Variants in CSMD1 observed in about 807,000 individuals in gnomAD.
CSMD1 encodes the protein CUB and Sushi multiple domains 1.
CSMD1 carries 213 observed loss-of-function variants against 417.5 expected under a neutral mutation model. The ratio of observed to expected loss-of-function variants is 0.51; its 90% confidence interval spans 0.46 to 0.57. CSMD1 has a LOEUF of 0.57. Among genes scored for constraint, CSMD1 ranks in the 20% least tolerant of loss-of-function variants. The pLI is 0.00. For missense variants in CSMD1, 6,923 were observed against 4,529.7 expected (o/e 1.53, Z -15.17); for synonymous variants, 2,862 against 1,736.8 (o/e 1.65, Z -16.11).
At chr8:3,343,067 G>A in intron 23 of CSMD1, among the ~76,000 whole-genome samples, 1 of 151,980 alleles carries the variant, frequency 6.6e-6, no homozygotes, top group East Asian at 1.9e-4. Flanking sequence ...TCCTTTTCAG[G>A]TCCAACTATT....
chr8:4,906,142 A>C (rs7844151), intron 1 of CSMD1, among the ~76,000 whole-genome samples: 33,088 of 152,092 alleles, frequency 0.22, 4,424 homozygotes, highest in East Asian at 0.52. Flanking sequence ...TGCTACCTGC[A>C]CTCTTCGCTT....
At chr8:4,022,005 T>C (rs1229063612) in intron 4 of CSMD1, among the ~76,000 whole-genome samples, 1 of 151,920 alleles carries the variant, frequency 6.6e-6, no homozygotes, top group East Asian at 1.9e-4. Context: ...TGTCTAATTC[T>C]GGAGTCCAAC....
intron 53 of CSMD1, 134 bp downstream of exon 53, chr8:2,999,824 T>C: frequency 1.4e-6 from 1 of 718,382 alleles, no homozygotes; most frequent in Non-Finnish European, 2.1e-6. Flanking sequence ...TCTCTTTCTT[T>C]GTATAGGCAA....
intron 5 of CSMD1, among the ~76,000 whole-genome samples, chr8:3,960,747 T>C (rs73492650): frequency 0.27 from 41,089 of 151,710 alleles, 6,031 homozygotes; most frequent in East Asian, 0.53. Context: ...TTATAATTAA[T>C]TGATTTAAAA....
intron 5 of CSMD1, among the ~76,000 whole-genome samples, chr8:3,773,291 G>A (rs981390230): frequency 2.6e-5 from 4 of 152,088 alleles, no homozygotes. Context: ...ATAGGTTTGG[G>A]GAGAGCTGGT....
intron 5 of CSMD1, among the ~76,000 whole-genome samples, chr8:3,771,059 G>A (rs1430904893): frequency 6.6e-6 from 1 of 151,946 alleles, no homozygotes; most frequent in Admixed American, 6.6e-5. Context: ...TCATTTGCAT[G>A]TCTGTGGTGG....
intron 21 of CSMD1, among the ~76,000 whole-genome samples, chr8:3,350,439 G>T (rs966819885): frequency 6.6e-6 from 1 of 152,066 alleles, no homozygotes; most frequent in Non-Finnish European, 1.5e-5. Flanking sequence ...CTTTCCCAAG[G>T]TCACACAGCT....
At chr8:3,240,201 A>C (rs73185537) in intron 26 of CSMD1, among the ~76,000 whole-genome samples, 2 of 151,982 alleles carry the variant, frequency 1.3e-5, no homozygotes, top group Admixed American at 1.3e-4. Flanking sequence ...TGCGCAGCCC[A>C]CACTTCAGCT....
intron 1 of CSMD1, among the ~76,000 whole-genome samples, chr8:4,650,341 T>A (rs1240002598): frequency 2.1e-5 from 2 of 95,576 alleles, no homozygotes; most frequent in Non-Finnish European, 3.6e-5. Flanking sequence ...CGAGACTCCG[T>A]CTCAAGAAAA....
intron 8 of CSMD1, among the ~76,000 whole-genome samples, chr8:3,587,180 G>A (rs1209984179): frequency 1.3e-5 from 2 of 152,226 alleles, no homozygotes; most frequent in Non-Finnish European, 2.9e-5. Context: ...TTGCAAACAT[G>A]GAGCTTTACG....
At chr8:4,621,536 G>C (rs1272015446) in intron 2 of CSMD1, among the ~76,000 whole-genome samples, 2 of 152,044 alleles carry the variant, frequency 1.3e-5, no homozygotes, top group African/African-American at 2.4e-5. Flanking sequence ...CCTAAATCTA[G>C]AATATACATT....
intron 26 of CSMD1, among the ~76,000 whole-genome samples, chr8:3,281,441 C>G (rs1307450978): frequency 6.6e-6 from 1 of 152,010 alleles, no homozygotes; most frequent in African/African-American, 2.4e-5. Flanking sequence ...AAGACTCCAT[C>G]TCAAGGAAAA....
At chr8:3,730,544 G>A (rs1260071644) in intron 6 of CSMD1, among the ~76,000 whole-genome samples, 1 of 152,010 alleles carries the variant, frequency 6.6e-6, no homozygotes, top group Non-Finnish European at 1.5e-5. Flanking sequence ...AGCGAGGAGA[G>A]GAAAGTGCTA....
chr8:3,865,588 C>T (rs939106547), intron 5 of CSMD1, among the ~76,000 whole-genome samples: 2 of 152,118 alleles, frequency 1.3e-5, no homozygotes, highest in Non-Finnish European at 2.9e-5. Context: ...AATTCAGGTG[C>T]CTCTCATCAG....
intron 3 of CSMD1, among the ~76,000 whole-genome samples, chr8:4,194,439 G>T (rs944310968): frequency 6.6e-6 from 1 of 152,054 alleles, no homozygotes; most frequent in Non-Finnish European, 1.5e-5. Flanking sequence ...AACAATAAAT[G>T]GTGACAAAGG....
chr8:4,428,868 C>T (rs977102473), intron 2 of CSMD1, among the ~76,000 whole-genome samples: 2 of 152,026 alleles, frequency 1.3e-5, no homozygotes, highest in African/African-American at 2.4e-5. Context: ...ACAGGCACCA[C>T]CACGTCCAGC....
chr8:4,207,321 C>G (rs914608268), intron 3 of CSMD1, among the ~76,000 whole-genome samples: 4 of 152,070 alleles, frequency 2.6e-5, no homozygotes, highest in Non-Finnish European at 5.9e-5. Context: ...CTTTTAGTGG[C>G]TAGGACTCGT....
intron 3 of CSMD1, among the ~76,000 whole-genome samples, chr8:4,128,204 C>T (rs1038596352): frequency 6.6e-6 from 1 of 151,892 alleles, no homozygotes; most frequent in East Asian, 1.9e-4. Context: ...CCTGAGAAAA[C>T]AGCAGCTCCT....
chr8:3,423,504 G>C (rs1813626387), intron 12 of CSMD1, among the ~76,000 whole-genome samples: 1 of 152,154 alleles, frequency 6.6e-6, no homozygotes, highest in South Asian at 2.1e-4. Context: ...CCCTGTATCA[G>C]TAGTTATGAA....
Sources: gnomAD v4.1 joint callset for allele counts (sites outside exome capture counted in the v4.1 genomes callset) on GRCh38, gnomAD v4.1.1 for gene constraint, MANE v1.5 for transcripts, NCBI Gene and HGNC (gene_info 2026-07-23, HGNC 2026-07-21) for gene names.